The following SLC71A1 variants were observed in gnomAD, a reference collection of about 807,000 sequenced individuals.
The protein encoded by SLC71A1 is hippocampus abundant gene transcript 1.
At chr1:100,062,620 C>T in the SLC71A1 span, among the ~76,000 whole-genome samples, 6 of 152,010 alleles carry the variant, frequency 3.9e-5, no homozygotes, top group Non-Finnish European at 7.4e-5. Context: ...TGATGCATTT[C>T]GGTAAATGTG....
the SLC71A1 span, chr1:100,081,990 T>C: frequency 6.2e-7 from 1 of 1,600,150 alleles, no homozygotes; most frequent in Non-Finnish European, 8.6e-7. Flanking sequence ...CTAATTACTT[T>C]ATTCTTCCTC....
the SLC71A1 span, among the ~76,000 whole-genome samples, chr1:100,039,812 A>T: frequency 6.6e-6 from 1 of 152,232 alleles, no homozygotes; most frequent in Non-Finnish European, 1.5e-5. Context: ...AATGAAACTG[A>T]TTAAGAAACA....
At chr1:100,049,336 T>G in the SLC71A1 span, among the ~76,000 whole-genome samples, 341 of 151,346 alleles carry the variant, frequency 2.3e-3, 5 homozygotes, top group African/African-American at 8.0e-3. Context: ...TTTTTTTTTT[T>G]TTGGTTACAT....
the SLC71A1 span, among the ~76,000 whole-genome samples, chr1:100,080,840 A>ATT: frequency 6.6e-6 from 1 of 151,966 alleles, no homozygotes; most frequent in Admixed American, 6.6e-5. Context: ...GGCTGTGCAT[A>ATT]TTTTTTTTCC....
the SLC71A1 span, among the ~76,000 whole-genome samples, chr1:100,061,527 T>C: frequency 2.0e-5 from 3 of 152,224 alleles, no homozygotes; most frequent in Non-Finnish European, 4.4e-5. Flanking sequence ...CTTTAGTTTG[T>C]TGCTGTTTTT....
the SLC71A1 span, chr1:100,077,137 C>A: frequency 9.4e-7 from 1 of 1,058,474 alleles, no homozygotes; most frequent in Non-Finnish European, 1.4e-6. Context: ...AAACTTTATT[C>A]TGATAAATCT....
At chr1:100,043,955 A>C in the SLC71A1 span, among the ~76,000 whole-genome samples, 3 of 152,184 alleles carry the variant, frequency 2.0e-5, no homozygotes, top group Non-Finnish European at 4.4e-5. Flanking sequence ...CTTGTTGGTC[A>C]TTGGGCACTT....
the SLC71A1 span, among the ~76,000 whole-genome samples, chr1:100,062,911 A>AT: frequency 4.7e-5 from 5 of 106,378 alleles, no homozygotes; most frequent in Admixed American, 1.2e-4. Context: ...CCTTGTCTCT[A>AT]TTTAAAAAAA....
chr1:100,049,089 A>G, the SLC71A1 span, among the ~76,000 whole-genome samples: 4 of 152,204 alleles, frequency 2.6e-5, no homozygotes, highest in African/African-American at 9.6e-5. Flanking sequence ...TGATTCAGAT[A>G]GCTTCCTTTT....
At chr1:100,062,745 G>A in the SLC71A1 span, among the ~76,000 whole-genome samples, 1 of 151,834 alleles carries the variant, frequency 6.6e-6, no homozygotes, top group Non-Finnish European at 1.5e-5. Context: ...AAGATTTTTG[G>A]GGAGGAAACA....
At chr1:100,070,204 T>A in the SLC71A1 span, among the ~76,000 whole-genome samples, 1 of 152,000 alleles carries the variant, frequency 6.6e-6, no homozygotes, top group Non-Finnish European at 1.5e-5. Flanking sequence ...GGGGGCATGG[T>A]TGAGAAGACC....
the SLC71A1 span, chr1:100,050,144 T>C: frequency 1.9e-6 from 1 of 528,736 alleles, no homozygotes; most frequent in Non-Finnish European, 3.3e-6. Context: ...TTTTACTGGT[T>C]GTCTTTTCCA....
the SLC71A1 span, chr1:100,069,802 A>G: frequency 4.2e-6 from 3 of 710,558 alleles, no homozygotes; most frequent in Non-Finnish European, 7.6e-6. Flanking sequence ...TCTGAGGTTG[A>G]TAGGTTCAGA....
the SLC71A1 span, among the ~76,000 whole-genome samples, chr1:100,039,784 T>A: frequency 2.6e-5 from 4 of 152,356 alleles, no homozygotes; most frequent in East Asian, 7.7e-4. Flanking sequence ...AAGATCAGTA[T>A]TTTTTACAAA....
the SLC71A1 span, chr1:100,050,060 T>C: frequency 0.024 from 22,786 of 953,786 alleles, 378 homozygotes; most frequent in Non-Finnish European, 0.031. Context: ...CTTCTTCAGT[T>C]TTGGAGGAAA....
the SLC71A1 span, among the ~76,000 whole-genome samples, chr1:100,054,253 G>A: frequency 9.9e-5 from 15 of 151,104 alleles, 1 homozygote; most frequent in Admixed American, 8.6e-4. Flanking sequence ...TCACTCTGTC[G>A]TCTAGGCTGG....
At chr1:100,059,019 A>G in the SLC71A1 span, among the ~76,000 whole-genome samples, 62 of 151,964 alleles carry the variant, frequency 4.1e-4, no homozygotes, top group Non-Finnish European at 7.9e-4. Context: ...AGAGATCTCA[A>G]TGATTTTGTA....
At chr1:100,060,087 TGCCATCTTGGTTATGA>T in the SLC71A1 span, 1 of 1,335,682 alleles carries the variant, frequency 7.5e-7, no homozygotes, top group Non-Finnish European at 1.0e-6. Flanking sequence ...CTTTCACTTG[TGCCATCTTGGTTATGA>T]GGTTTTAATT....
chr1:100,062,321 G>C, the SLC71A1 span, among the ~76,000 whole-genome samples: 1 of 152,148 alleles, frequency 6.6e-6, no homozygotes, highest in Non-Finnish European at 1.5e-5. Flanking sequence ...CTAGCTCAGG[G>C]ATCAGCAAAC....
Sources: allele counts gnomAD v4.1 joint callset (sites outside exome capture counted in the v4.1 genomes callset), GRCh38; gene constraint gnomAD v4.1.1; transcripts MANE v1.5; gene names NCBI Gene and HGNC (gene_info 2026-07-23, HGNC 2026-07-21).